Variants in NRG1 observed in about 807,000 individuals in gnomAD.
NRG1 encodes the protein neuregulin 1.
Under a neutral mutation model 63.8 loss-of-function variants are expected in NRG1, and 18 were observed. That is an observed-to-expected ratio of 0.28 (90% CI 0.19 to 0.42). NRG1 has a LOEUF of 0.42. NRG1 is among the 10% of genes least tolerant of loss of function. The pLI, the probability that NRG1 is intolerant of heterozygous loss-of-function variation, is 1.00. For synonymous variants in NRG1, 302 were observed against 301.3 expected, an observed-to-expected ratio of 1.00 and a Z score of -0.02; for missense variants, 762 against 814.7, an observed-to-expected ratio of 0.94 and a Z score of 0.79.
intron 1 of NRG1, among the ~76,000 whole-genome samples, chr8:31,678,425 G>A (rs1459697453): frequency 6.6e-6 from 1 of 152,090 alleles, no homozygotes; most frequent in Non-Finnish European, 1.5e-5. Context: ...GTGTTCCTTA[G>A]ACCACCTTTG....
At chr8:32,492,607 A>G (rs751305606) in intron 1 of NRG1, among the ~76,000 whole-genome samples, 2 of 152,144 alleles carry the variant, frequency 1.3e-5, no homozygotes, top group African/African-American at 2.4e-5. Context: ...TCCAGTAAAT[A>G]AACTCTAAAA....
At chr8:32,238,114 G>A (rs576970722) in intron 1 of NRG1, among the ~76,000 whole-genome samples, 23 of 152,128 alleles carry the variant, frequency 1.5e-4, no homozygotes, top group Non-Finnish European at 1.8e-4. Context: ...GTGTGTAGTC[G>A]GTGAGGAAAT....
At chr8:31,914,266 G>C (rs1833189106) in intron 1 of NRG1, among the ~76,000 whole-genome samples, 1 of 150,840 alleles carries the variant, frequency 6.6e-6, no homozygotes, top group Non-Finnish European at 1.5e-5. Flanking sequence ...CAAAGCATCA[G>C]TAAACATTGT....
intron 1 of NRG1, among the ~76,000 whole-genome samples, chr8:32,228,493 C>A (rs900089294): frequency 5.9e-5 from 9 of 151,950 alleles, no homozygotes; most frequent in African/African-American, 2.2e-4. Flanking sequence ...AAAGATGATA[C>A]CCACTTGTGA....
chr8:32,344,900 A>G (rs1025138366), intron 1 of NRG1, among the ~76,000 whole-genome samples: 2 of 152,164 alleles, frequency 1.3e-5, no homozygotes, highest in African/African-American at 4.8e-5. Context: ...AGACCTACTG[A>G]TCTAGAAGAC....
intron 1 of NRG1, among the ~76,000 whole-genome samples, chr8:32,551,257 C>G (rs1834048436): frequency 6.6e-6 from 1 of 152,192 alleles, no homozygotes; most frequent in Non-Finnish European, 1.5e-5. Context: ...GCCGTGCCAG[C>G]CCAAATTAGG....
chr8:31,777,868 G>C (rs1304082134), intron 1 of NRG1, among the ~76,000 whole-genome samples: 2 of 152,120 alleles, frequency 1.3e-5, no homozygotes, highest in African/African-American at 4.8e-5. Flanking sequence ...TTACCTTGAG[G>C]ATAGCACCAA....
intron 1 of NRG1, among the ~76,000 whole-genome samples, chr8:31,673,710 C>G (rs781499621): frequency 3.3e-4 from 50 of 152,244 alleles, no homozygotes; most frequent in Non-Finnish European, 6.5e-4. Flanking sequence ...TTTCTAGAAG[C>G]ATGACGTCAG....
chr8:32,460,228 T>C (rs554380923), intron 1 of NRG1, among the ~76,000 whole-genome samples: 2 of 152,366 alleles, frequency 1.3e-5, no homozygotes, highest in Admixed American at 6.5e-5. Context: ...TCAGACAATA[T>C]GTCCAGCTTC....
chr8:31,696,445 T>C (rs1390357382), intron 1 of NRG1, among the ~76,000 whole-genome samples: 3 of 152,178 alleles, frequency 2.0e-5, no homozygotes, highest in Non-Finnish European at 2.9e-5. Context: ...ATCCTGGCTT[T>C]ACTAACTAGG....
intron 1 of NRG1, among the ~76,000 whole-genome samples, chr8:31,676,429 C>A (rs1807707404): frequency 6.6e-6 from 1 of 152,136 alleles, no homozygotes; most frequent in South Asian, 2.1e-4. Flanking sequence ...TGTCAGGGAC[C>A]CAGAGGCCAT....
intron 1 of NRG1, among the ~76,000 whole-genome samples, chr8:32,215,464 T>C (rs539101220): frequency 7.2e-5 from 11 of 152,316 alleles, no homozygotes; most frequent in Admixed American, 2.0e-4. Context: ...GCATTTGCTG[T>C]GTGCCAGCCA....
At chr8:32,544,472 ATTATTTAT>A (rs10574242), upstream of NRG1, among the ~76,000 whole-genome samples, 67,050 of 139,530 alleles carry the variant, frequency 0.48, 16,276 homozygotes, top group East Asian at 0.66. Context: ...TGCCTAGCTT[ATTATTTAT>A]TTATTTATTT....
At chr8:32,441,748 TG>T (rs1290977427) in intron 1 of NRG1, among the ~76,000 whole-genome samples, 1 of 152,170 alleles carries the variant, frequency 6.6e-6, no homozygotes, top group African/African-American at 2.4e-5. Flanking sequence ...AAACTCAACC[TG>T]GTTTTTCAAC....
chr8:32,529,046 G>C (rs1020688546), intron 1 of NRG1, among the ~76,000 whole-genome samples: 22 of 152,202 alleles, frequency 1.4e-4, no homozygotes, highest in African/African-American at 5.3e-4. Context: ...TCCCGTCATT[G>C]TGTGAACATC....
At chr8:32,471,669 C>A (rs1823867420) in intron 1 of NRG1, among the ~76,000 whole-genome samples, 1 of 151,954 alleles carries the variant, frequency 6.6e-6, no homozygotes, top group Non-Finnish European at 1.5e-5. Context: ...TTAGAAACTA[C>A]CCCTGTTAAA....
intron 5 of NRG1, among the ~76,000 whole-genome samples, chr8:32,632,468 G>C (rs1013898463): frequency 6.7e-6 from 1 of 148,264 alleles, no homozygotes; most frequent in African/African-American, 2.5e-5. Context: ...AGAATTGCTT[G>C]AACCTGGGAG....
At chr8:31,712,462 G>T (rs974087775) in intron 1 of NRG1, among the ~76,000 whole-genome samples, 3 of 151,736 alleles carry the variant, frequency 2.0e-5, no homozygotes, top group Non-Finnish European at 4.4e-5. Flanking sequence ...TAGAGAAGGG[G>T]TTTCACCATG....
chr8:32,646,532 G>T (rs1853573052), intron 5 of NRG1, among the ~76,000 whole-genome samples: 1 of 152,010 alleles, frequency 6.6e-6, no homozygotes, highest in South Asian at 2.1e-4. Flanking sequence ...AACCCATAAG[G>T]TCCCACCTAC....
Sources: allele counts gnomAD v4.1 joint callset (sites outside exome capture counted in the v4.1 genomes callset), GRCh38; gene constraint gnomAD v4.1.1; transcripts MANE v1.5; gene names NCBI Gene and HGNC (gene_info 2026-07-23, HGNC 2026-07-21).